The following DNAH6 variants were observed in gnomAD, a reference collection of about 807,000 sequenced individuals.
DNAH6 encodes axonemal beta dynein heavy chain 6.
Under a neutral mutation model 491.4 loss-of-function variants are expected in DNAH6, and 340 were observed. That is an observed-to-expected ratio of 0.69 (90% confidence interval 0.63 to 0.76). The LOEUF (loss-of-function observed/expected upper bound fraction) is 0.76. Ranked by LOEUF, DNAH6 falls within the 30% of genes least tolerant of loss-of-function variation. The probability of loss-of-function intolerance (pLI) is 0.00; values close to 1 mark genes in which losing one functional copy is unlikely to be tolerated. For synonymous variants in DNAH6, 1,603 were observed against 1,686.1 expected, an observed-to-expected ratio of 0.95 and a Z score of 1.21; for missense variants, 4,443 against 4,972.2, an observed-to-expected ratio of 0.89 and a Z score of 3.20.
chr2:84,660,797 A>C (rs2104601709), intron 37 of DNAH6, among the ~76,000 whole-genome samples: 1 of 152,210 alleles, frequency 6.6e-6, no homozygotes, highest in African/African-American at 2.4e-5. Flanking sequence ...CACCTGGAAA[A>C]CCCAAACCAA....
At chr2:84,769,465 T>TA (rs1233368239) in intron 64 of DNAH6, among the ~76,000 whole-genome samples, 1 of 152,194 alleles carries the variant, frequency 6.6e-6, no homozygotes, top group Non-Finnish European at 1.5e-5. Context: ...GAATGCTTAA[T>TA]AAAGAAAAAG....
chr2:84,796,778 C>G, intron 69 of DNAH6, among the ~76,000 whole-genome samples: 1 of 152,140 alleles, frequency 6.6e-6, no homozygotes, highest in East Asian at 1.9e-4. Context: ...AGGAGAATCA[C>G]TTGAGCTCAG....
upstream of DNAH6, among the ~76,000 whole-genome samples, chr2:84,512,238 G>T (rs4606943): frequency 0.95 from 145,345 of 152,280 alleles, 69,400 homozygotes; most frequent in East Asian, 1. Flanking sequence ...AGAACAAAGA[G>T]TTATTTCTTA....
chr2:84,474,322 C>A, the DNAH6 span, among the ~76,000 whole-genome samples: 1 of 152,152 alleles, frequency 6.6e-6, no homozygotes, highest in African/African-American at 2.4e-5. Context: ...ATTGTTTCTG[C>A]ACCAGCTCTT....
intron 75 of DNAH6, 126 bp from the exon 76 acceptor site, chr2:84,815,735 A>G: frequency 1.4e-6 from 1 of 693,930 alleles, no homozygotes; most frequent in Non-Finnish European, 2.4e-6. Context: ...TAAAATGTGA[A>G]TAATAACAGC....
chr2:84,561,554 T>C (rs1483193887), intron 11 of DNAH6, among the ~76,000 whole-genome samples: 1 of 152,154 alleles, frequency 6.6e-6, no homozygotes, highest in East Asian at 1.9e-4. Flanking sequence ...CTAATTAAAC[T>C]AAAGAGCTTC....
intron 37 of DNAH6, among the ~76,000 whole-genome samples, chr2:84,663,131 G>A (rs1691699963): frequency 1.3e-5 from 2 of 152,146 alleles, no homozygotes; most frequent in African/African-American, 2.4e-5. Context: ...CCACAAAGAT[G>A]GGGAGAAACC....
At chr2:84,714,116 C>T (rs1248207744) in intron 57 of DNAH6, among the ~76,000 whole-genome samples, 1 of 152,228 alleles carries the variant, frequency 6.6e-6, no homozygotes, top group Non-Finnish European at 1.5e-5. Context: ...CATGTCTGTG[C>T]ACTCTGCAGG....
intron 47 of DNAH6, among the ~76,000 whole-genome samples, chr2:84,698,728 A>C (rs745986961): frequency 1.3e-5 from 2 of 152,244 alleles, no homozygotes; most frequent in African/African-American, 2.4e-5. Context: ...AAAAAGAGAT[A>C]TGCACCTGTA....
chr2:84,558,735 T>G (rs1680334634), intron 11 of DNAH6, among the ~76,000 whole-genome samples: 1 of 152,236 alleles, frequency 6.6e-6, no homozygotes, highest in African/African-American at 2.4e-5. Flanking sequence ...CATAAAATTT[T>G]TATCTTGTCC....
At chr2:84,785,878 T>C in intron 67 of DNAH6, 122 bp downstream of exon 67, 2 of 1,035,602 alleles carry the variant, frequency 1.9e-6, no homozygotes, top group Admixed American at 3.3e-5. Context: ...ATTCTGTGTC[T>C]GAACCCAAGT....
intron 33 of DNAH6, among the ~76,000 whole-genome samples, chr2:84,645,870 C>G (rs895457057): frequency 3.3e-5 from 5 of 152,184 alleles, no homozygotes; most frequent in Admixed American, 3.3e-4. Context: ...TTTTCCTACC[C>G]TGGCACTGGC....
intron 64 of DNAH6, among the ~76,000 whole-genome samples, chr2:84,773,869 C>T (rs558731521): frequency 6.6e-6 from 1 of 151,928 alleles, no homozygotes; most frequent in African/African-American, 2.4e-5. Flanking sequence ...TGTTTTTGGA[C>T]GCCTGTATGT....
At chr2:84,808,370 C>G in intron 71 of DNAH6, 45 bp from the exon 72 acceptor site, 1 of 1,462,738 alleles carries the variant, frequency 6.8e-7, no homozygotes, top group Non-Finnish European at 9.0e-7. Flanking sequence ...ATTGTGAGAA[C>G]AAATCAATGG....
intron 11 of DNAH6, 98 bp from the exon 12 acceptor site, chr2:84,573,369 A>C (rs754667768): frequency 1.5e-5 from 15 of 978,390 alleles, no homozygotes; most frequent in Non-Finnish European, 2.1e-5. Context: ...TTGGGCATAG[A>C]GTTTGTGTGC....
chr2:84,639,848 T>C (rs1368006639), intron 31 of DNAH6, among the ~76,000 whole-genome samples: 1 of 152,186 alleles, frequency 6.6e-6, no homozygotes, highest in Admixed American at 6.5e-5. Flanking sequence ...TGAGGCCAAC[T>C]GCAGTGTTTC....
At chr2:84,780,318 C>T (rs116083823) in intron 64 of DNAH6, among the ~76,000 whole-genome samples, 1 of 152,068 alleles carries the variant, frequency 6.6e-6, no homozygotes, top group African/African-American at 2.4e-5. Flanking sequence ...TTTCTCATAG[C>T]CTTTGTCCAT....
chr2:84,488,604 A>G, the DNAH6 span, among the ~76,000 whole-genome samples: 5 of 151,906 alleles, frequency 3.3e-5, no homozygotes, highest in South Asian at 4.2e-4. Context: ...TTCCGCCGTC[A>G]CTTCTTTTTT....
At chr2:84,580,316 G>GCACACACACACACACACA (rs36209367) in intron 14 of DNAH6, among the ~76,000 whole-genome samples, 21 of 149,174 alleles carry the variant, frequency 1.4e-4, no homozygotes, top group African/African-American at 5.2e-4. Context: ...ACATACACAC[G>GCACACACACACACACACA]CACACACACA....
Sources: allele counts gnomAD v4.1 joint callset (sites outside exome capture counted in the v4.1 genomes callset), GRCh38; gene constraint gnomAD v4.1.1; transcripts MANE v1.5; gene names NCBI Gene and HGNC (gene_info 2026-07-23, HGNC 2026-07-21).